RC3H1: variants seen among roughly 807,000 people sequenced by gnomAD.
The protein encoded by RC3H1 is ring finger and CCCH-type domains 1, also known as roquin-1.
In RC3H1, 50 loss-of-function variants were observed where a neutral mutation model predicts 138.2. The ratio of observed to expected loss-of-function variants is 0.36; its 90% CI spans 0.29 to 0.46. RC3H1 has a LOEUF of 0.46. Among genes scored for constraint, RC3H1 ranks in the 20% least tolerant of loss-of-function variants. The probability of loss-of-function intolerance (pLI) is 1.00; values close to 1 mark genes in which losing one functional copy is unlikely to be tolerated. For synonymous variants in RC3H1, 462 were observed against 489.1 expected (o/e 0.94, Z 0.73); for missense variants, 1,031 against 1,388.1 (o/e 0.74, Z 4.09).
intron 7 of RC3H1, among the ~76,000 whole-genome samples, chr1:173,977,632 G>A (rs1571214290): frequency 6.6e-6 from 1 of 152,254 alleles, no homozygotes; most frequent in Middle Eastern, 3.4e-3. Flanking sequence ...AGATATTTGG[G>A]AGTCTGTATT....
At chr1:173,946,889 A>G in intron 15 of RC3H1, 53 bp from the exon 16 acceptor site, 1 of 1,240,212 alleles carries the variant, frequency 8.1e-7, no homozygotes, top group East Asian at 2.3e-5. Context: ...TTCTTCTTTT[A>G]AGGTATTCAT....
chr1:173,992,699 CAGAGAG>C (rs1553232033), intron 2 of RC3H1, 50 bp downstream of exon 2: 46 of 746,054 alleles, frequency 6.2e-5, no homozygotes, highest in African/African-American at 1.3e-4. Flanking sequence ...CACACACACA[CAGAGAG>C]AGAGAGAGAG....
At position 173,970,510 on chromosome 1, in the gene RC3H1, C is replaced by T; in HGVS notation, c.1329G>A (p.Leu443=). The T allele has an allele frequency of 6.2e-7, 1 of 1,609,062 alleles. No individual in the cohort carries two copies. Among genetic ancestry groups the T allele is most frequent in the Non-Finnish European group, 8.5e-7 (1 of 1,175,720 alleles). Residue 443 remains leucine (L), a synonymous_variant, in exon 9 of 20, where the codon CTG becomes CTA. Coordinates refer to ENST00000367696, the MANE Select transcript of RC3H1 (RefSeq NM_172071.4). ...SCTFAHSQEE[L]EKFRKMNKRL... is the part of the protein sequence containing the mutation. ...CTCCTGACTTTCACACTTACTTTTC[C>T]AGTTCCTCCTGTGAGTGTGCAAATG...
chr1:173,952,368 T>TG, intron 13 of RC3H1, among the ~76,000 whole-genome samples: 1 of 138,900 alleles, frequency 7.2e-6, no homozygotes, highest in Non-Finnish European at 1.5e-5. Flanking sequence ...TCAGGTTTTT[T>TG]TTTTTTGTTT....
chr1:173,954,281 A>G (rs535582848), intron 13 of RC3H1, among the ~76,000 whole-genome samples: 41 of 152,334 alleles, frequency 2.7e-4, no homozygotes, highest in African/African-American at 9.6e-4. Context: ...AGCAACATAG[A>G]TGAGCCTAGA....
chr1:173,993,053 T>A lies in RC3H1; in HGVS notation c.-68A>T. On this transcript the variant is annotated 5_prime_UTR_variant, in exon 2 of 20. Coordinates refer to ENST00000367696, the MANE Select transcript of RC3H1 (RefSeq NM_172071.4). ...ATCTAAAGCAAAGATTCCACTGGAA[T>A]CAAAATCTTTGAAAAAAAGTTTATC... is the stretch of plus-strand genomic sequence containing the variant. 8.5e-7 allele frequency: 1 copy of A among 1,169,646 alleles called. No homozygotes were observed. The highest frequency in any genetic ancestry group is 1.2e-6 in the Non-Finnish European group (1 of 800,978). The allele number at this position is 1,169,646 out of a possible 1,614,324, so 72.5% of individuals were successfully genotyped here.
At chr1:174,009,659 T>A (rs1463697443) in intron 1 of RC3H1, among the ~76,000 whole-genome samples, 3 of 152,076 alleles carry the variant, frequency 2.0e-5, no homozygotes, top group African/African-American at 7.2e-5. Flanking sequence ...GCCAACATGG[T>A]GAACCCGTCA....
At chr1:173,993,961 G>C (rs1013899052) in intron 1 of RC3H1, among the ~76,000 whole-genome samples, 11 of 146,434 alleles carry the variant, frequency 7.5e-5, no homozygotes, top group African/African-American at 2.8e-4. Context: ...CGGAGGTTGT[G>C]GTGAGCCAAG....
rs546621694 is a variant in RC3H1 at position 173,954,214 on chromosome 1, T to C, written c.2371-2076A>G. Among the ~76,000 whole-genome samples the C allele has an allele frequency of 2.5e-4, 38 of 152,326 alleles. No homozygotes were observed. The South Asian group carries it at 7.5e-3, about 30-fold the overall frequency. ...AACAGATGAATTGATAAAGAAAATG[T>C]GGTATATATACAATGAAATACTATT... On this transcript the variant is annotated intron_variant, in intron 13 of 19. Coordinates refer to ENST00000367696, the MANE Select transcript of RC3H1 (RefSeq NM_172071.4).
intron 1 of RC3H1, among the ~76,000 whole-genome samples, chr1:174,004,782 A>AGAAAAGAAAAAAGTCT (rs1000498224): frequency 8.5e-5 from 13 of 152,214 alleles, no homozygotes; most frequent in African/African-American, 2.6e-4. Flanking sequence ...CACAAAAGAG[A>AGAAAAGAAAAAAGTCT]GAAAAGAAAA....
chr1:173,988,371 T>C (rs952260596), intron 2 of RC3H1, among the ~76,000 whole-genome samples: 1 of 152,244 alleles, frequency 6.6e-6, no homozygotes. Flanking sequence ...AGCAATGGTA[T>C]ACATTGAGAT....
chr1:173,968,366 T>TA (rs984234423), intron 9 of RC3H1, among the ~76,000 whole-genome samples: 15 of 152,238 alleles, frequency 9.9e-5, no homozygotes, highest in African/African-American at 3.4e-4. Context: ...ATGAAACTTT[T>TA]ATAGCATCAA....
intron 3 of RC3H1, among the ~76,000 whole-genome samples, 180 bp downstream of exon 3, chr1:173,984,319 T>C (rs933054142): frequency 6.6e-6 from 1 of 152,252 alleles, no homozygotes; most frequent in Non-Finnish European, 1.5e-5. Context: ...ATTTGCTTAA[T>C]AGCTCACAAT....
chr1:173,980,724 A>ACACTTTAATATACATT, intron 6 of RC3H1, 85 bp downstream of exon 6: 1 of 935,206 alleles, frequency 1.1e-6, no homozygotes, highest in African/African-American at 1.6e-5. Flanking sequence ...AAAGCTATAC[A>ACACTTTAATATACATT]GTATTCACTT....
intron 1 of RC3H1, among the ~76,000 whole-genome samples, chr1:174,013,941 T>C (rs1661813980): frequency 6.6e-6 from 1 of 152,048 alleles, no homozygotes; most frequent in Non-Finnish European, 1.5e-5. Flanking sequence ...CCTAAATGCA[T>C]ATTGTTAAGT....
intron 13 of RC3H1, among the ~76,000 whole-genome samples, chr1:173,957,420 T>A (rs550133646): frequency 6.6e-6 from 1 of 152,328 alleles, no homozygotes; most frequent in African/African-American, 2.4e-5. Flanking sequence ...TTAGAATGTT[T>A]GATACCAAAA....
chr1:173,991,064 G>A (rs576738945), intron 2 of RC3H1, among the ~76,000 whole-genome samples: 3 of 151,956 alleles, frequency 2.0e-5, no homozygotes, highest in African/African-American at 4.8e-5. Flanking sequence ...ACCCTGTCTC[G>A]ACTAAAAATA....
chr1:174,003,385 T>TCA (rs3220994), intron 1 of RC3H1, among the ~76,000 whole-genome samples: 28,720 of 143,082 alleles, frequency 0.2, 2,834 homozygotes, highest in Middle Eastern at 0.31. Context: ...AAGACTCCTA[T>TCA]CACACACACA....
chr1:174,003,693 C>T (rs1661600428), intron 1 of RC3H1, among the ~76,000 whole-genome samples: 1 of 149,554 alleles, frequency 6.7e-6, no homozygotes, highest in Admixed American at 6.7e-5. Context: ...CGGAGTCTCT[C>T]TGTGTCCCCT....
Sources: gnomAD v4.1 joint callset for allele counts (sites outside exome capture counted in the v4.1 genomes callset) on GRCh38, gnomAD v4.1.1 for gene constraint, MANE v1.5 for transcripts, NCBI Gene and HGNC (gene_info 2026-07-23, HGNC 2026-07-21) for gene names.